The following NPHP3 variants were observed in gnomAD, a reference collection of about 807,000 sequenced individuals.
The protein encoded by NPHP3 is nephrocystin 3, also known as nephrocystin-3.
NPHP3 carries 123 observed loss-of-function variants against 171.9 expected under a neutral mutation model. That is an observed-to-expected ratio of 0.72 (90% CI 0.62 to 0.83). The LOEUF (loss-of-function observed/expected upper bound fraction) is 0.83. Among genes scored for constraint, NPHP3 ranks in the 40% least tolerant of loss-of-function variants. NPHP3 has a pLI of 0.00. For synonymous variants in NPHP3, 558 were observed against 579.2 expected (o/e 0.96, Z 0.52); for missense variants, 1,506 against 1,591.9 (o/e 0.95, Z 0.92).
At chr3:132,697,972 T>C (rs1165048632) in intron 13 of NPHP3, among the ~76,000 whole-genome samples, 1 of 151,782 alleles carries the variant, frequency 6.6e-6, no homozygotes, top group Non-Finnish European at 1.5e-5. Flanking sequence ...CTCCATGGGA[T>C]CCAATTGCTC....
intron 9 of NPHP3, among the ~76,000 whole-genome samples, chr3:132,702,891 T>C (rs529907762): frequency 6.6e-6 from 1 of 152,308 alleles, no homozygotes; most frequent in Non-Finnish European, 1.5e-5. Context: ...ATAGGATCCA[T>C]GCTTCCCAGG....
intron 6 of NPHP3, among the ~76,000 whole-genome samples, chr3:132,709,552 G>A (rs1205774973): frequency 6.6e-6 from 1 of 151,998 alleles, no homozygotes; most frequent in Non-Finnish European, 1.5e-5. Flanking sequence ...CAAAGTGCTG[G>A]GATTATAGGC....
chr3:132,699,508 A>G (rs1337068440), intron 12 of NPHP3, 58 bp from the exon 13 acceptor site: 19 of 1,075,874 alleles, frequency 1.8e-5, no homozygotes, highest in Non-Finnish European at 2.6e-5. Context: ...AAACAATCCA[A>G]TAATAGCTCC....
Position 132,701,523 on chromosome 3 carries a change from C to A in NPHP3, c.1535G>T (p.Arg512Leu). 6.2e-7 allele frequency: 1 copy of A among 1,610,798 alleles called. No homozygotes were observed. Among genetic ancestry groups the A allele is most frequent in the Non-Finnish European group, 8.5e-7 (1 of 1,177,348 alleles). The stretch of plus-strand genomic sequence containing the variant: ...TGGTGCTGCCACTAGATCATTAAGG[C>A]GTTGGTAATACTAGAAAAAAAAATG... ...HELGFEKYYQ[R>L]LNDLVAAPAP... is the part of the protein sequence containing the mutation. The change falls in exon 10 of 27, where the codon CGC becomes CTC. Residue 512 changes from arginine (R) to leucine (L), a missense_variant. Physicochemically the swap from Arg to Leu is moderately radical, Grantham distance 102. Around this residue, in one of 3 missense-constraint regions of NPHP3, gnomAD observed 930 missense variants for 924.9 expected, o/e 1.01. Transcript: ENST00000337331.
chr3:132,708,259 T>C lies in NPHP3; in HGVS notation c.1119-2A>G. 1.2e-6 allele frequency: 2 copies of C among 1,613,820 alleles called. No individual in the cohort carries two copies. The highest frequency in any genetic ancestry group is 1.7e-6 in the Non-Finnish European group (2 of 1,179,928). ...TCTTCACAGTCTTCCAATAAAAGGC[T>C]AGATTGGAAATCAGCATTTTGTGTG... On this transcript the variant is annotated splice_acceptor_variant, in intron 6 of 26. Coordinates refer to ENST00000337331, the MANE Select transcript of NPHP3 (RefSeq NM_153240.5). LOFTEE classifies it high-confidence loss of function.
chr3:132,682,839 T>C (rs1388803184), intron 25 of NPHP3, 21 bp from the exon 26 acceptor site: 1 of 1,425,566 alleles, frequency 7.0e-7, no homozygotes, highest in East Asian at 2.3e-5. Flanking sequence ...AAAATGATAA[T>C]GCTCATGCAC....
Position 132,704,254 on chromosome 3 carries a change from G to A in NPHP3, c.1468C>T (p.Gln490Ter). 7.4e-6 allele frequency: 12 copies of A among 1,614,042 alleles called. No homozygotes were observed. Among genetic ancestry groups the A allele is most frequent in the Non-Finnish European group, 1.0e-5 (12 of 1,180,000 alleles). ...VLWDIHDEQEQMETFQQASNS... is the reference protein window; with the variant it reads ...VLWDIHDEQE ...GAAGCCTGCTGAAAAGTTTCCATTT[G>A]CTCTTGTTCATCATGTATGTCCCAC... Residue 490 changes from glutamine (Q) to a stop codon, truncating the protein, a stop_gained, in exon 9 of 27, where the codon CAA becomes TAA. Transcript: ENST00000337331. LOFTEE classifies it high-confidence loss of function.
intron 15 of NPHP3, chr3:132,695,234 G>C: frequency 2.8e-6 from 1 of 361,248 alleles, no homozygotes; most frequent in South Asian, 2.8e-5. Flanking sequence ...ATAAAAATGA[G>C]TCAGACACGG....
At chr3:132,696,876 C>A in intron 14 of NPHP3, 63 bp from the exon 15 acceptor site, 1 of 1,268,200 alleles carries the variant, frequency 7.9e-7, no homozygotes, top group South Asian at 1.2e-5. Flanking sequence ...ATTAAGCGGT[C>A]TTTACTACCC....
chr3:132,707,282 A>G (rs1003467628), intron 7 of NPHP3, among the ~76,000 whole-genome samples: 11 of 152,140 alleles, frequency 7.2e-5, no homozygotes, highest in Admixed American at 5.9e-4. Flanking sequence ...GGACAACATA[A>G]TAAGTCCCCA....
chr3:132,694,836 T>G lies in NPHP3; in HGVS notation c.2301A>C (p.Leu767=). 6.2e-7 allele frequency: 1 copy of G among 1,613,484 alleles called. No individual in the cohort carries two copies. Among genetic ancestry groups the G allele is most frequent in the Non-Finnish European group, 8.5e-7 (1 of 1,179,952 alleles). Residue 767 remains leucine, a synonymous_variant, in exon 16 of 27, where the codon CTA becomes CTC. Transcript: ENST00000337331. The part of the protein sequence containing the change: ...ESMANDVDKE[L]MKQILCLVNV... ...GTTTATTACATTCTACCTGCTTCAT[T>G]AGCTCTTTATCCACATCATTTGCCA...
In NPHP3 at chr3:132,692,810, G is replaced by A. The variant is rs1430160621; in HGVS notation, c.2319C>T (p.Cys773=). The stretch of plus-strand genomic sequence containing the variant: ...CACCATTGTGACTAACATTGACAAG[G>A]CAGAGGATCTAGGTAGAAAAACAAA... ...VDKELMKQIL[C]LVNVSHNGVS... The change falls in exon 17 of 27, where the codon TGC becomes TGT. Residue 773 remains cysteine, a synonymous_variant. Transcript: ENST00000337331. 6.2e-7 allele frequency: 1 copy of A among 1,613,770 alleles called. No individual in the cohort carries two copies. Among genetic ancestry groups the A allele is most frequent in the East Asian group, 2.2e-5 (1 of 44,852 alleles).
In NPHP3 at chr3:132,681,506, G is replaced by T. The variant is rs972229160; in HGVS notation, c.*404C>A. ...TGGTCTCCAACTCCTGGCCTCAAGTGATCCTCCTGCATCACCCTCCCAAAG... is the reference window on the plus strand; with the variant it reads ...TGGTCTCCAACTCCTGGCCTCAAGTTATCCTCCTGCATCACCCTCCCAAAG... On this transcript the variant is annotated 3_prime_UTR_variant, in exon 27 of 27. Transcript: ENST00000337331. The T allele has an allele frequency of 4.5e-6, 1 of 222,984 alleles. No homozygotes were observed. Among genetic ancestry groups the T allele is most frequent in the Admixed American group, 5.3e-5 (1 of 18,946 alleles). The allele number at this position is 222,984 out of a possible 1,614,324, so 13.8% of individuals were successfully genotyped here.
intron 2 of NPHP3, among the ~76,000 whole-genome samples, 163 bp from the exon 3 acceptor site, chr3:132,719,307 G>C (rs1403297945): frequency 6.6e-6 from 1 of 151,988 alleles, no homozygotes; most frequent in Non-Finnish European, 1.5e-5. Flanking sequence ...TTACTGTTTT[G>C]CAACTGGAAG....
At chr3:132,692,373 A>G (rs1361142629) in intron 17 of NPHP3, among the ~76,000 whole-genome samples, 1 of 152,262 alleles carries the variant, frequency 6.6e-6, no homozygotes, top group African/African-American at 2.4e-5. Context: ...TCTTCAAGAA[A>G]TAAACTACCT....
At chr3:132,720,018 A>C (rs1940165139) in intron 1 of NPHP3, among the ~76,000 whole-genome samples, 188 bp from the exon 2 acceptor site, 2 of 152,260 alleles carry the variant, frequency 1.3e-5, no homozygotes, top group South Asian at 2.1e-4. Context: ...AAAAACCGCA[A>C]CCATGCTTGA....
chr3:132,684,871 G>C (rs1939115837), intron 23 of NPHP3, 77 bp from the exon 24 acceptor site: 1 of 1,502,168 alleles, frequency 6.7e-7, no homozygotes, highest in Non-Finnish European at 9.2e-7. Flanking sequence ...ATTAAGTGGA[G>C]AACTGACTCA....
intron 5 of NPHP3, 129 bp downstream of exon 5, chr3:132,714,956 G>A (rs911423691): frequency 1.8e-5 from 13 of 710,748 alleles, no homozygotes; most frequent in African/African-American, 1.1e-4. Flanking sequence ...AGCCCAAGAC[G>A]CTTCCTGTTC....
chr3:132,708,314 G>A, intron 6 of NPHP3, 57 bp from the exon 7 acceptor site: 1 of 1,540,532 alleles, frequency 6.5e-7, no homozygotes, highest in Admixed American at 1.7e-5. Context: ...CAAGCAGTTA[G>A]TTAATCAACC....
Sources: allele counts gnomAD v4.1 joint callset (sites outside exome capture counted in the v4.1 genomes callset), GRCh38; gene constraint gnomAD v4.1.1; regional missense constraint gnomAD v4.1.1; transcripts MANE v1.5; gene names NCBI Gene and HGNC (gene_info 2026-07-23, HGNC 2026-07-21).